Variants in TUBGCP2 observed in about 807,000 individuals in gnomAD.
TUBGCP2 encodes the protein gamma-tubulin complex component 2.
A neutral mutation model predicts 92.2 loss-of-function variants in TUBGCP2; 55 were observed. That is an observed-to-expected ratio of 0.60 (90% CI 0.48 to 0.75). The LOEUF (loss-of-function observed/expected upper bound fraction) is 0.75. Among genes scored for constraint, TUBGCP2 ranks in the 30% least tolerant of loss-of-function variants. The pLI, the probability that TUBGCP2 is intolerant of heterozygous loss-of-function variation, is 0.00. For missense variants in TUBGCP2, 1,093 were observed against 1,188.9 expected (o/e 0.92, Z 1.19); for synonymous variants, 533 against 505.2 (o/e 1.06, Z -0.74).
chr10:133,309,437 G>C (rs567026204), upstream of TUBGCP2: 1 of 1,612,634 alleles, frequency 6.2e-7, no homozygotes, highest in Middle Eastern at 1.7e-4. Flanking sequence ...TGATCATGCA[G>C]GTGGCCGACG....
At position 133,302,883 on chromosome 10, in the gene TUBGCP2, T is replaced by G. The variant is rs1240856774; in HGVS notation, c.59A>C (p.His20Pro). The change falls in exon 2 of 18, where the codon CAC becomes CCC. Residue 20 changes from histidine (H) to proline (P), a missense_variant. This residue lies in a region of TUBGCP2 where 490 missense variants were observed against 488.5 expected (regional missense o/e 1.00). Transcript: ENST00000252936. ...VNELLSLLRV[H>P]GGDGAEVYID... Reference sequence around the variant, plus strand: ...GTAGACCTCAGCCCCATCTCCTCCGTGGACACGCAGCAGGCTAAGCAGTTC... The same window carrying G: ...GTAGACCTCAGCCCCATCTCCTCCGGGGACACGCAGCAGGCTAAGCAGTTC... 2 of 1,613,938 alleles carry G rather than the reference T, an allele frequency of 1.2e-6. No individual in the cohort carries two copies. Among genetic ancestry groups the G allele is most frequent in the African/African-American group, 2.7e-5 (2 of 74,938 alleles).
upstream of TUBGCP2, chr10:133,309,124 G>C (rs12412186): frequency 3.2e-5 from 44 of 1,358,568 alleles, no homozygotes; most frequent in Admixed American, 1.5e-3. Flanking sequence ...GGAAAAAGTA[G>C]TTGTAGGATC....
chr10:133,303,001 A>G (rs1847712091), intron 1 of TUBGCP2, 21 bp from the exon 2 acceptor site: 1 of 1,592,486 alleles, frequency 6.3e-7, no homozygotes, highest in Non-Finnish European at 8.6e-7. Context: ...GAAGACAGCT[A>G]TTCATAAAAT....
At chr10:133,291,280 CGTGTCCCT>C (rs1230615604) in intron 8 of TUBGCP2, among the ~76,000 whole-genome samples, 6 of 72,516 alleles carry the variant, frequency 8.3e-5, no homozygotes, top group Middle Eastern at 7.4e-3. Flanking sequence ...CATGTCCCTC[CGTGTCCCT>C]GTGTCCCGGG....
chr10:133,311,320 A>T (rs913670995), upstream of TUBGCP2, among the ~76,000 whole-genome samples: 1 of 152,222 alleles, frequency 6.6e-6, no homozygotes, highest in African/African-American at 2.4e-5. Context: ...CCGAGGGATC[A>T]TTTTAAGGAG....
chr10:133,297,239 T>C, intron 5 of TUBGCP2: 1 of 322,492 alleles, frequency 3.1e-6, no homozygotes, highest in Non-Finnish European at 6.0e-6. Flanking sequence ...CCGTCTCTAC[T>C]AAAAATATAA....
intron 5 of TUBGCP2, among the ~76,000 whole-genome samples, chr10:133,296,734 C>G (rs547286038): frequency 6.6e-5 from 10 of 152,326 alleles, no homozygotes; most frequent in African/African-American, 2.4e-4. Flanking sequence ...ACCTCACCTC[C>G]CTAAGTGCTG....
chr10:133,283,369 C>A, intron 14 of TUBGCP2, 148 bp from the exon 15 acceptor site: 1 of 1,145,698 alleles, frequency 8.7e-7, no homozygotes, highest in Non-Finnish European at 1.2e-6. Context: ...GGAAAACTTC[C>A]AAACACCACT....
At chr10:133,309,273 A>G, upstream of TUBGCP2, 1 of 1,334,938 alleles carries the variant, frequency 7.5e-7, no homozygotes, top group Non-Finnish European at 1.0e-6. Flanking sequence ...GCGGGGCCTG[A>G]GGCTGTGGGG....
At chr10:133,295,294 G>A (rs1047013473) in intron 5 of TUBGCP2, 7 of 152,278 alleles carry the variant, frequency 4.6e-5, no homozygotes, top group Admixed American at 4.6e-4. Flanking sequence ...TGAAAATACA[G>A]AAATTAGCTG....
chr10:133,311,618 A>G, upstream of TUBGCP2: 1 of 1,055,816 alleles, frequency 9.5e-7, no homozygotes. Context: ...TATGCTACTT[A>G]CAGGGAAATC....
Position 133,285,677 on chromosome 10 carries a change from C to A in TUBGCP2, c.1723-49G>T. On this transcript the variant is annotated intron_variant, in intron 11 of 17. Coordinates refer to ENST00000252936, the MANE Select transcript of TUBGCP2 (RefSeq NM_006659.4). The surrounding 1 kb of genome is among the most constrained non-coding windows in gnomAD (Gnocchi z 6.8). ...AAGCATCCAGTTTTAAGGAAAAGACCCGAAGTCGCATCCCGATCGCCATCC... is the reference window on the plus strand; with the variant it reads ...AAGCATCCAGTTTTAAGGAAAAGACACGAAGTCGCATCCCGATCGCCATCC... The A allele has an allele frequency of 6.8e-7, 1 of 1,472,878 alleles. No homozygotes were observed. Among genetic ancestry groups the A allele is most frequent in the Non-Finnish European group, 9.0e-7 (1 of 1,112,840 alleles). 91.2% of individuals were successfully genotyped at this position (1,472,878 alleles called of 1,614,324 possible).
chr10:133,303,292 C>T (rs1847723733), intron 1 of TUBGCP2, among the ~76,000 whole-genome samples: 1 of 152,158 alleles, frequency 6.6e-6, no homozygotes, highest in Admixed American at 6.5e-5. Context: ...GGATTAGGGC[C>T]CCTCCCCGAC....
rs1847380913 is a variant in TUBGCP2, at chr10:133,292,531, C to A, written c.1182G>T (p.Trp394Cys). 6.2e-7 allele frequency: 1 copy of A among 1,613,858 alleles called. No individual in the cohort carries two copies. The highest frequency in any genetic ancestry group is 8.5e-7 in the Non-Finnish European group (1 of 1,179,980). ...SAPYFEVLEK[W>C]IYRGIIHDPY... Reference sequence around the variant, plus strand: ...GGTCGTGGATGATGCCCCTGTAGATCCACTTCTCCAGAACCTCGAAGTAGG... The same window carrying A: ...GGTCGTGGATGATGCCCCTGTAGATACACTTCTCCAGAACCTCGAAGTAGG... Residue 394 changes from tryptophan to cysteine, a missense_variant, in exon 8 of 18, where the codon TGG becomes TGT. Trp to Cys is a radical substitution (Grantham distance 215, BLOSUM62 -2). This residue lies in a region of TUBGCP2 where 5 missense variants were observed against 24.9 expected (regional missense o/e 0.20). Transcript: ENST00000252936.
chr10:133,292,732 G>A (rs749151399), intron 7 of TUBGCP2, 44 bp from the exon 8 acceptor site: 485 of 1,574,632 alleles, frequency 3.1e-4, no homozygotes, highest in East Asian at 1.0e-3. Flanking sequence ...GGAAGCGCAC[G>A]CCCAGCCTCT....
intron 16 of TUBGCP2, among the ~76,000 whole-genome samples, chr10:133,281,932 G>A (rs963644725): frequency 2.0e-5 from 3 of 152,276 alleles, no homozygotes; most frequent in Non-Finnish European, 4.4e-5. Context: ...GAGCTCAGCA[G>A]GGACAGCGGG....
intron 1 of TUBGCP2, among the ~76,000 whole-genome samples, chr10:133,306,541 A>G (rs1271753689): frequency 6.6e-6 from 1 of 152,214 alleles, no homozygotes; most frequent in Non-Finnish European, 1.5e-5. Context: ...TAATCTCAGC[A>G]CTTTGGGAAG....
chr10:133,286,022 G>A (rs1030158373), intron 11 of TUBGCP2, among the ~76,000 whole-genome samples: 2 of 152,110 alleles, frequency 1.3e-5, no homozygotes, highest in Admixed American at 6.6e-5. Flanking sequence ...TTATAAGCAA[G>A]TAATACTGTC....
chr10:133,291,271 A>ATGTCCCTCCG lies in TUBGCP2; in HGVS notation c.1214+1218_1214+1227dup, dbSNP rs1389217688. Among the ~76,000 whole-genome samples, 195 of 34,748 alleles carry ATGTCCCTCCG rather than the reference A, an allele frequency of 5.6e-3. 4 individuals are homozygous for ATGTCCCTCCG. Among genetic ancestry groups the ATGTCCCTCCG allele is most frequent in the South Asian group, 0.012 (16 of 1,390 alleles). The allele number at this position is 34,748 out of a possible 152,430, so 22.8% of individuals were successfully genotyped here. A position where few individuals can be genotyped will look rare whatever the true frequency, so the allele number is the denominator to read the frequency against. ...TCCCCCATGTCCCTCCGTGTCCCCC[A>ATGTCCCTCCG]TGTCCCTCCGTGTCCCTGTGTCCCG... On this transcript the variant is annotated intron_variant, in intron 8 of 17. Transcript: ENST00000252936.
Sources: gnomAD v4.1 joint callset for allele counts (sites outside exome capture counted in the v4.1 genomes callset) on GRCh38, gnomAD v4.1.1 for gene constraint, gnomAD v4.1.1 regional missense constraint, Gnocchi (gnomAD v3.1) non-coding constraint, MANE v1.5 for transcripts, NCBI Gene and HGNC (gene_info 2026-07-23, HGNC 2026-07-21) for gene names.